Variants in SLC30A9 observed in about 807,000 individuals in gnomAD.
The protein encoded by SLC30A9 is solute carrier family 30 member 9, also known as proton-coupled zinc antiporter SLC30A9, mitochondrial.
Under a neutral mutation model 87.5 loss-of-function variants are expected in SLC30A9, and 58 were observed. That is an observed-to-expected ratio of 0.66 (90% CI 0.54 to 0.82). SLC30A9 has a LOEUF of 0.82. Among genes scored for constraint, SLC30A9 ranks in the 40% least tolerant of loss-of-function variants. SLC30A9 has a pLI of 0.00. For missense variants in SLC30A9, 557 were observed against 679.1 expected, an observed-to-expected ratio of 0.82 and a Z score of 2.00; for synonymous variants, 234 against 233.0, an observed-to-expected ratio of 1.00 and a Z score of -0.04.
At chr4:42,085,952 A>T in intron 17 of SLC30A9, 130 bp from the exon 18 acceptor site, 1 of 285,404 alleles carries the variant, frequency 3.5e-6, no homozygotes, top group South Asian at 8.6e-5. Flanking sequence ...TTATGCAACT[A>T]TTTCTCTCAT....
At chr4:42,039,258 C>G (rs1005703224) in intron 8 of SLC30A9, among the ~76,000 whole-genome samples, 3 of 151,870 alleles carry the variant, frequency 2.0e-5, no homozygotes, top group South Asian at 4.2e-4. Flanking sequence ...TGCTCATTCT[C>G]TGTATATTTT....
chr4:42,015,265 A>G (rs1191066295), intron 2 of SLC30A9, among the ~76,000 whole-genome samples: 2 of 152,200 alleles, frequency 1.3e-5, no homozygotes, highest in Non-Finnish European at 2.9e-5. Flanking sequence ...AAGAAAAATA[A>G]TGTTAAACAA....
rs1268329108 is a variant in SLC30A9, at chr4:42,087,141, GTGTC to G, written c.*1019_*1022del. 3.9e-5 allele frequency: 6 copies of G among 152,124 alleles called. No homozygotes were observed. The highest frequency in any genetic ancestry group is 1.4e-4 in the African/African-American group (6 of 41,408). The allele number at this position is 152,124 out of a possible 1,614,324, so 9.4% of individuals were successfully genotyped here. On this transcript the variant is annotated 3_prime_UTR_variant, in exon 18 of 18. Transcript: ENST00000264451. ...GATTTTGTATAATATAGTTCATACT[GTGTC>G]TGTGAGTTTCTTCAGTTACAAATGG...
chr4:42,006,589 A>G (rs1309642006), intron 2 of SLC30A9, among the ~76,000 whole-genome samples: 2 of 151,512 alleles, frequency 1.3e-5, no homozygotes, highest in African/African-American at 4.9e-5. Flanking sequence ...CAAGATGTTG[A>G]GGTAGGAGGG....
At chr4:42,057,383 T>C (rs1369739013) in intron 9 of SLC30A9, among the ~76,000 whole-genome samples, 3 of 152,178 alleles carry the variant, frequency 2.0e-5, no homozygotes, top group Non-Finnish European at 2.9e-5. Flanking sequence ...TTTCCAAACC[T>C]CAGTTCTTGA....
rs569376109 is a variant in SLC30A9, at chr4:42,065,872, A to G, written c.1072+523A>G. ...TTATTTAAAAGGGAAAGTATGTTTC[A>G]TTTTTGAGTATCATACCATAATACT... On this transcript the variant is annotated intron_variant, in intron 12 of 17. Transcript: ENST00000264451. Among the ~76,000 whole-genome samples the G allele has an allele frequency of 7.6e-4, 116 of 152,352 alleles. 1 individual carries two copies. The highest frequency in any genetic ancestry group is 2.7e-3 in the African/African-American group (112 of 41,588).
chr4:42,000,775 A>G (rs917257229), intron 1 of SLC30A9, among the ~76,000 whole-genome samples: 3 of 152,066 alleles, frequency 2.0e-5, no homozygotes, highest in African/African-American at 7.2e-5. Flanking sequence ...CAAAAGTTTC[A>G]ACTCTTAAAT....
At chr4:42,074,933 G>A (rs930733499) in intron 15 of SLC30A9, among the ~76,000 whole-genome samples, 2 of 144,722 alleles carry the variant, frequency 1.4e-5, no homozygotes, top group Non-Finnish European at 3.0e-5. Flanking sequence ...ATTTTTATAT[G>A]GCATTTAGGA....
At chr4:42,051,898 A>T (rs1165898644) in intron 9 of SLC30A9, among the ~76,000 whole-genome samples, 2 of 151,864 alleles carry the variant, frequency 1.3e-5, no homozygotes, top group Non-Finnish European at 2.9e-5. Flanking sequence ...CGAAGTCATT[A>T]TGAGAGGGAA....
At position 42,037,937 on chromosome 4, in the gene SLC30A9, A is replaced by AT. The variant is rs746323227; in HGVS notation, c.670-1042dup. Among the ~76,000 whole-genome samples the AT allele has an allele frequency of 1.6e-3, 240 of 151,956 alleles. 2 individuals carry two copies. Among genetic ancestry groups the AT allele is most frequent in the Middle Eastern group, 3.4e-3 (1 of 294 alleles). On this transcript the variant is annotated intron_variant, in intron 7 of 17. Coordinates refer to ENST00000264451, the MANE Select transcript of SLC30A9 (RefSeq NM_006345.4). ...GGGCACCCACTACCACAGCCGGCTGATTTTTTTGTATTTTAGTAGAGACGG... is the reference window on the plus strand; with the variant it reads ...GGGCACCCACTACCACAGCCGGCTGATTTTTTTTGTATTTTAGTAGAGACGG...
chr4:41,995,434 G>A (rs926057822), intron 1 of SLC30A9, among the ~76,000 whole-genome samples: 2 of 152,102 alleles, frequency 1.3e-5, no homozygotes, highest in African/African-American at 4.8e-5. Flanking sequence ...TATAGTTGCT[G>A]ATAGTGTAGT....
chr4:41,994,237 A>G (rs1332875631), intron 1 of SLC30A9, among the ~76,000 whole-genome samples: 1 of 152,192 alleles, frequency 6.6e-6, no homozygotes, highest in East Asian at 1.9e-4. Context: ...CTGTAGAAAA[A>G]TACAGTGAAA....
chr4:42,061,121 T>C (rs904600853), intron 10 of SLC30A9, among the ~76,000 whole-genome samples: 10 of 152,158 alleles, frequency 6.6e-5, no homozygotes, highest in Non-Finnish European at 1.3e-4. Flanking sequence ...TTTTAAATTT[T>C]AGGTTGTGAA....
At chr4:42,069,287 A>T (rs941309410) in intron 14 of SLC30A9, among the ~76,000 whole-genome samples, 1 of 152,218 alleles carries the variant, frequency 6.6e-6, no homozygotes, top group Non-Finnish European at 1.5e-5. Flanking sequence ...CATGAATTAA[A>T]TTTTTCTTAA....
chr4:42,023,049 G>A, intron 5 of SLC30A9, 119 bp downstream of exon 5: 3 of 590,018 alleles, frequency 5.1e-6, no homozygotes, highest in Non-Finnish European at 5.9e-6. Flanking sequence ...TTTTGTATTT[G>A]CAAATCTGTT....
chr4:42,060,155 T>G lies in SLC30A9; in HGVS notation c.841-36T>G, dbSNP rs865778061. The G allele has an allele frequency of 6.5e-6, 10 of 1,538,548 alleles. No individual in the cohort carries two copies. In the Middle Eastern group the frequency reaches 1.0e-3, roughly 156 times the overall value. On this transcript the variant is annotated intron_variant, in intron 9 of 17. Coordinates refer to ENST00000264451, the MANE Select transcript of SLC30A9 (RefSeq NM_006345.4). ...TACCATATTATACTCTCCATCTTGC[T>G]AATGATTATTCACCTTTTTTTCTTC...
intron 9 of SLC30A9, among the ~76,000 whole-genome samples, chr4:42,056,102 T>C (rs1035456482): frequency 2.0e-5 from 3 of 152,186 alleles, no homozygotes; most frequent in African/African-American, 7.2e-5. Flanking sequence ...ATAAATATGG[T>C]CCATATTCAT....
In SLC30A9 at chr4:42,067,113, T is replaced by C. The variant is rs1217843193; in HGVS notation, c.1173T>C (p.Asn391=). ...YVMESRDPST[N]VILLEDTAAV... Reference sequence around the variant, plus strand: ...TGGAAAGTCGTGATCCTAGTACAAATGTGATATTATTGGAGGATACTGCTG... The same window carrying C: ...TGGAAAGTCGTGATCCTAGTACAAACGTGATATTATTGGAGGATACTGCTG... Residue 391 remains asparagine (N), a synonymous_variant, in exon 14 of 18, where the codon AAT becomes AAC. Transcript: ENST00000264451. The C allele has an allele frequency of 3.1e-6, 5 of 1,612,346 alleles. No individual in the cohort carries two copies. The Middle Eastern group carries it at 5.0e-4, about 160-fold the overall frequency.
intron 2 of SLC30A9, among the ~76,000 whole-genome samples, chr4:42,007,552 C>T (rs372954680): frequency 1.6e-4 from 25 of 152,202 alleles, no homozygotes; most frequent in African/African-American, 5.3e-4. Flanking sequence ...GAGATCAAGA[C>T]CATCCTGGCT....
Sources: gnomAD v4.1 joint callset for allele counts (sites outside exome capture counted in the v4.1 genomes callset) on GRCh38, gnomAD v4.1.1 for gene constraint, MANE v1.5 for transcripts, NCBI Gene and HGNC (gene_info 2026-07-23, HGNC 2026-07-21) for gene names.